The following FAM210A variants were observed in gnomAD, a reference collection of about 807,000 sequenced individuals.
FAM210A encodes mitochondrial inner membrane scaffold 1, also known as family with sequence similarity 210 member A.
Under a neutral mutation model 25.3 loss-of-function variants are expected in FAM210A, and 13 were observed. That is an observed-to-expected ratio of 0.51 (90% CI 0.33 to 0.82). The LOEUF (loss-of-function observed/expected upper bound fraction) is 0.82. FAM210A is among the 40% of genes least tolerant of loss of function. FAM210A has a pLI of 0.02. For synonymous variants in FAM210A, 125 were observed against 118.7 expected, an observed-to-expected ratio of 1.05 and a Z score of -0.35; for missense variants, 319 against 323.2, an observed-to-expected ratio of 0.99 and a Z score of 0.10.
intron 1 of FAM210A, among the ~76,000 whole-genome samples, chr18:13,713,542 T>C (rs1343808092): frequency 2.6e-5 from 4 of 152,126 alleles, no homozygotes; most frequent in Admixed American, 2.6e-4. Flanking sequence ...TTAACAAAAA[T>C]ATATTTGCAG....
chr18:13,695,334 T>C (rs1318598954), intron 1 of FAM210A, among the ~76,000 whole-genome samples: 1 of 152,204 alleles, frequency 6.6e-6, no homozygotes, highest in African/African-American at 2.4e-5. Flanking sequence ...GGACTATAAA[T>C]ACCATTTGAC....
At chr18:13,697,636 G>C (rs1437520148) in intron 1 of FAM210A, 3 of 143,966 alleles carry the variant, frequency 2.1e-5, no homozygotes, top group Non-Finnish European at 4.5e-5. Flanking sequence ...ACTTGAACCT[G>C]GGAGGTGGAT....
At chr18:13,699,317 T>C (rs2043720211) in intron 1 of FAM210A, among the ~76,000 whole-genome samples, 1 of 152,182 alleles carries the variant, frequency 6.6e-6, no homozygotes, top group Non-Finnish European at 1.5e-5. Flanking sequence ...AATACCACAT[T>C]TGAACCACAT....
chr18:13,693,446 G>C (rs1284668919), intron 1 of FAM210A, among the ~76,000 whole-genome samples: 1 of 152,160 alleles, frequency 6.6e-6, no homozygotes, highest in Non-Finnish European at 1.5e-5. Context: ...AACCAAAAAA[G>C]AGAATTTTAG....
chr18:13,684,353 C>G (rs921412296), intron 1 of FAM210A, among the ~76,000 whole-genome samples: 13 of 151,708 alleles, frequency 8.6e-5, no homozygotes, highest in Non-Finnish European at 1.8e-4. Flanking sequence ...GACCCGAGGT[C>G]GCGCCACTGC....
At chr18:13,709,320 TCA>T (rs774951294) in intron 1 of FAM210A, among the ~76,000 whole-genome samples, 6 of 152,214 alleles carry the variant, frequency 3.9e-5, no homozygotes, top group Non-Finnish European at 7.3e-5. Flanking sequence ...GGCATCTCTC[TCA>T]GTGTTCTTGC....
At chr18:13,704,506 TAAGTATA>T (rs1190754606) in intron 1 of FAM210A, among the ~76,000 whole-genome samples, 1 of 152,200 alleles carries the variant, frequency 6.6e-6, no homozygotes, top group Non-Finnish European at 1.5e-5. Flanking sequence ...TCAAACTGGT[TAAGTATA>T]ATGTAGTGTT....
At chr18:13,724,341 T>C (rs191275159) in intron 1 of FAM210A, among the ~76,000 whole-genome samples, 1 of 152,292 alleles carries the variant, frequency 6.6e-6, no homozygotes, top group African/African-American at 2.4e-5. Flanking sequence ...TGGGTCCAAA[T>C]CTTGATCCCA....
At chr18:13,722,441 A>C (rs2043904689) in intron 1 of FAM210A, among the ~76,000 whole-genome samples, 1 of 152,132 alleles carries the variant, frequency 6.6e-6, no homozygotes, top group African/African-American at 2.4e-5. Flanking sequence ...TTGCAAGGTA[A>C]CTACCTCAAG....
chr18:13,666,698 G>A lies in FAM210A; in HGVS notation c.601C>T (p.Arg201Trp), dbSNP rs1183231130. Reference protein sequence around the residue: ...YALFKIATPARYTVTLGGTSV... With the variant: ...YALFKIATPAWYTVTLGGTSV... ...GTTCCTCCCAAAGTCACGGTATACC[G>A]AGCAGGTGTTGCAATCTTAAGCAAA... The change falls in exon 4 of 4, where the codon CGG (arginine) becomes TGG (tryptophan). Residue 201 changes from arginine to tryptophan, a missense_variant. By Grantham distance (101) the Arg-to-Trp change is moderately radical. Coordinates refer to ENST00000651643, the MANE Select transcript of FAM210A (RefSeq NM_152352.4). The A allele has an allele frequency of 1.3e-5, 21 of 1,613,208 alleles. No individual in the cohort carries two copies. Among genetic ancestry groups the A allele is most frequent in the Non-Finnish European group, 1.5e-5 (18 of 1,179,422 alleles).
At chr18:13,677,917 C>G (rs906376720) in intron 2 of FAM210A, among the ~76,000 whole-genome samples, 2 of 152,078 alleles carry the variant, frequency 1.3e-5, no homozygotes, top group African/African-American at 4.8e-5. Flanking sequence ...TCAGGGAGCA[C>G]CCTCGGTAGA....
chr18:13,702,524 T>C (rs2043748838), intron 1 of FAM210A, among the ~76,000 whole-genome samples: 1 of 152,250 alleles, frequency 6.6e-6, no homozygotes, highest in Non-Finnish European at 1.5e-5. Context: ...AGCTTGATCC[T>C]GTGACCACAT....
At chr18:13,700,148 C>T (rs184607066) in intron 1 of FAM210A, among the ~76,000 whole-genome samples, 2 of 152,324 alleles carry the variant, frequency 1.3e-5, no homozygotes, top group Admixed American at 1.3e-4. Flanking sequence ...CTCCTACTCC[C>T]CACTTCAGAT....
intron 2 of FAM210A, among the ~76,000 whole-genome samples, chr18:13,680,914 G>T (rs150145212): frequency 6.6e-6 from 1 of 152,240 alleles, no homozygotes; most frequent in African/African-American, 2.4e-5. Context: ...ACTTTAAATT[G>T]TATGTTTCAA....
chr18:13,667,096 T>C (rs1182331572), intron 3 of FAM210A, among the ~76,000 whole-genome samples: 1 of 152,228 alleles, frequency 6.6e-6, no homozygotes, highest in Admixed American at 6.5e-5. Flanking sequence ...TGCCAAATGC[T>C]TTCTATCTGG....
intron 1 of FAM210A, among the ~76,000 whole-genome samples, chr18:13,713,824 T>TCTGACACCTGAC (rs1451085576): frequency 1.3e-5 from 2 of 151,626 alleles, no homozygotes; most frequent in Non-Finnish European, 2.9e-5. Context: ...CATCAAAACC[T>TCTGACACCTGAC]CTGACACCTG....
Position 13,716,816 on chromosome 18 carries a change from T to C in FAM210A, c.-29+9513A>G, listed in dbSNP as rs149649138. Among the ~76,000 whole-genome samples, 126 of 152,330 alleles carry C rather than the reference T, an allele frequency of 8.3e-4. 1 individual carries two copies. Among genetic ancestry groups the C allele is most frequent in the Non-Finnish European group, 1.1e-3 (75 of 68,030 alleles). On this transcript the variant is annotated intron_variant, in intron 1 of 3. Transcript: ENST00000651643. ...CCTTCCACTATGATTGGAAGTTTCC[T>C]GAGGCCTCTCCAGCCATGCTGAACT...
At chr18:13,717,989 CCTCA>C (rs2043874124) in intron 1 of FAM210A, among the ~76,000 whole-genome samples, 1 of 152,162 alleles carries the variant, frequency 6.6e-6, no homozygotes, top group African/African-American at 2.4e-5. Context: ...AAGACAGCGC[CCTCA>C]CTCATATAGG....
At chr18:13,670,870 C>T in intron 3 of FAM210A, 1 of 152,704 alleles carries the variant, frequency 6.5e-6, no homozygotes, top group East Asian at 1.9e-4. Flanking sequence ...GTGGCACATG[C>T]CTGTAATCCC....
Sources: allele counts gnomAD v4.1 joint callset (sites outside exome capture counted in the v4.1 genomes callset), GRCh38; gene constraint gnomAD v4.1.1; transcripts MANE v1.5; gene names NCBI Gene and HGNC (gene_info 2026-07-23, HGNC 2026-07-21).